Variants in MCM5 observed in about 807,000 individuals in gnomAD.
The protein encoded by MCM5 is DNA replication licensing factor MCM5.
A neutral mutation model predicts 79.9 loss-of-function variants in MCM5; 46 were observed. The observed-to-expected ratio is 0.58, with a 90% CI of 0.45 to 0.74. MCM5 has a LOEUF of 0.74. Among genes scored for constraint, MCM5 ranks in the 30% least tolerant of loss-of-function variants. MCM5 has a pLI of 0.00. For missense variants in MCM5, 883 were observed against 1,017.0 expected, an observed-to-expected ratio of 0.87 and a Z score of 1.79; for synonymous variants, 404 against 390.5, an observed-to-expected ratio of 1.03 and a Z score of -0.41.
intron 14 of MCM5, 110 bp downstream of exon 14, chr22:35,420,122 A>G: frequency 3.8e-6 from 5 of 1,314,372 alleles, no homozygotes; most frequent in Non-Finnish European, 5.1e-6. Flanking sequence ...GCACAGGCCC[A>G]TAGTAGCTCT....
intron 12 of MCM5, among the ~76,000 whole-genome samples, 171 bp from the exon 13 acceptor site, chr22:35,417,573 A>C (rs1474078571): frequency 2.6e-5 from 4 of 152,192 alleles, no homozygotes; most frequent in Admixed American, 6.5e-5. Flanking sequence ...CTCCCATCAG[A>C]ACGAGGGCCT....
At chr22:35,417,946 T>G (rs974443906) in intron 13 of MCM5, 90 bp downstream of exon 13, 9 of 847,550 alleles carry the variant, frequency 1.1e-5, no homozygotes, top group Non-Finnish European at 1.8e-5. Context: ...CTCCTCCTCA[T>G]GAAGAACAGC....
At chr22:35,453,457 AAC>A in the MCM5 span, among the ~76,000 whole-genome samples, 2 of 144,800 alleles carry the variant, frequency 1.4e-5, no homozygotes, top group African/African-American at 5.4e-5. Context: ...GAGAGATAGA[AAC>A]AGAGACAGAG....
At chr22:35,413,600 G>A (rs908333063) in intron 8 of MCM5, among the ~76,000 whole-genome samples, 4 of 152,144 alleles carry the variant, frequency 2.6e-5, no homozygotes, top group African/African-American at 4.8e-5. Context: ...CAGATGCTGG[G>A]TGTACCCGAG....
intron 16 of MCM5, 79 bp from the exon 17 acceptor site, chr22:35,424,075 C>T (rs1932754168): frequency 3.2e-6 from 3 of 923,702 alleles, no homozygotes; most frequent in South Asian, 3.2e-5. Context: ...CAAAGTTCCC[C>T]GTGAGCCTGG....
chr22:35,436,171 AAAAAAAAAAAAAG>A, the MCM5 span, among the ~76,000 whole-genome samples: 1 of 119,276 alleles, frequency 8.4e-6, no homozygotes, highest in Non-Finnish European at 2.0e-5. Flanking sequence ...TCTCAAAAAA[AAAAAAAAAAAAAG>A]AAAAAAAGAA....
downstream of MCM5, among the ~76,000 whole-genome samples, chr22:35,428,350 T>C (rs1932791194): frequency 6.7e-6 from 1 of 150,234 alleles, no homozygotes; most frequent in Non-Finnish European, 1.5e-5. Flanking sequence ...GAGATGGGGG[T>C]GGTTCTCACT....
chr22:35,452,873 T>C, the MCM5 span, among the ~76,000 whole-genome samples: 2 of 152,042 alleles, frequency 1.3e-5, no homozygotes, highest in Non-Finnish European at 2.9e-5. Flanking sequence ...CCGTCCGCCT[T>C]GCATGTGGGT....
At chr22:35,414,419 A>G (rs1932479494) in intron 9 of MCM5, among the ~76,000 whole-genome samples, 1 of 152,140 alleles carries the variant, frequency 6.6e-6, no homozygotes, top group South Asian at 2.1e-4. Flanking sequence ...CAGGAGTTTG[A>G]GACCAGCCTG....
intron 4 of MCM5, among the ~76,000 whole-genome samples, chr22:35,406,041 T>TA (rs1200092816): frequency 6.6e-6 from 1 of 151,934 alleles, no homozygotes; most frequent in Admixed American, 6.6e-5. Context: ...GAAAAAATAT[T>TA]ACTGCCTTAT....
At chr22:35,413,804 T>A in intron 8 of MCM5, 71 bp from the exon 9 acceptor site, 1 of 885,432 alleles carries the variant, frequency 1.1e-6, no homozygotes, top group Non-Finnish European at 1.9e-6. Flanking sequence ...AGCCCACCAA[T>A]CTGGTGACTG....
the MCM5 span, among the ~76,000 whole-genome samples, chr22:35,452,015 C>T: frequency 9.2e-5 from 14 of 152,304 alleles, no homozygotes; most frequent in African/African-American, 3.1e-4. Flanking sequence ...CCCCACCTGC[C>T]CTGTGCTATC....
rs753606587 is a variant in MCM5, at chr22:35,416,722, G to C, written c.1498G>C (p.Gly500Arg). 3.0e-5 allele frequency: 48 copies of C among 1,614,060 alleles called. No homozygotes were observed. Among genetic ancestry groups the C allele is most frequent in the Middle Eastern group, 1.6e-4 (1 of 6,084 alleles). The change falls in exon 12 of 17, where the codon GGG (glycine) becomes CGG (arginine). Residue 500 changes from glycine (G) to arginine (R), a missense_variant. Around this residue, in one of 3 missense-constraint regions of MCM5, gnomAD observed 426 missense variants for 482.3 expected, o/e 0.88. Transcript: ENST00000216122. ...GTTCGGCCGCTGGGATGAGACGAAGGGGGAGGACAACATTGACTTCATGCC... is the reference window on the plus strand; with the variant it reads ...GTTCGGCCGCTGGGATGAGACGAAGCGGGAGGACAACATTGACTTCATGCC... Reference protein sequence around the residue: ...SVFGRWDETKGEDNIDFMPTI... With the variant: ...SVFGRWDETKREDNIDFMPTI...
At position 35,412,673 on chromosome 22, in the gene MCM5, C is replaced by A; in HGVS notation, c.1083C>A (p.Ser361=). The change falls in exon 8 of 17, where the codon TCC becomes TCA. Residue 361 remains serine (S), a synonymous_variant. Transcript: ENST00000216122. ...KAIACLLFGG[S]RKRLPDGLTR... is the part of the protein sequence containing the mutation. Reference sequence around the variant, plus strand: ...TTGCCTGCCTGCTCTTTGGGGGCTCCCGAAAGAGGTAGGGGCTTGAGTTCC... The same window carrying A: ...TTGCCTGCCTGCTCTTTGGGGGCTCACGAAAGAGGTAGGGGCTTGAGTTCC... 1 of 1,491,058 alleles carries A rather than the reference C, an allele frequency of 6.7e-7. No homozygotes were observed. Among genetic ancestry groups the A allele is most frequent in the Non-Finnish European group, 9.0e-7 (1 of 1,111,212 alleles). The allele number at this position is 1,491,058 out of a possible 1,614,324, so 92.4% of individuals were successfully genotyped here. A position where few individuals can be genotyped will look rare whatever the true frequency, so the allele number is the denominator to read the frequency against.
At position 35,410,914 on chromosome 22, in the gene MCM5, A is replaced by G. The variant is rs777075383; in HGVS notation, c.919+4A>G. The G allele has an allele frequency of 1.9e-6, 3 of 1,589,324 alleles. No individual in the cohort carries two copies. The highest frequency in any genetic ancestry group is 3.5e-5 in the Admixed American group (2 of 57,916). ...CAGGTGGACACAGATGGCTCTGGTG[A>G]GTTGGCTTTGGGGTCCTGGCTTAGC... On this transcript the variant is annotated splice_donor_region_variant and intron_variant, in intron 7 of 16. Transcript: ENST00000216122.
At chr22:35,453,819 T>TAGAGAGAG in the MCM5 span, among the ~76,000 whole-genome samples, 577 of 81,520 alleles carry the variant, frequency 7.1e-3, 12 homozygotes, top group African/African-American at 0.01. Context: ...TATATATATA[T>TAGAGAGAG]AGAGAGAGAG....
chr22:35,419,668 C>T (rs1356364483), intron 13 of MCM5, among the ~76,000 whole-genome samples: 2 of 152,186 alleles, frequency 1.3e-5, no homozygotes, highest in African/African-American at 4.8e-5. Context: ...AAGAGAGGCA[C>T]CCATATTTCT....
chr22:35,448,096 T>C, the MCM5 span, among the ~76,000 whole-genome samples: 3 of 152,190 alleles, frequency 2.0e-5, no homozygotes, highest in African/African-American at 7.2e-5. Flanking sequence ...TGCTGATGTT[T>C]ACTCTGAAAA....
At chr22:35,408,272 G>T in intron 5 of MCM5, 136 bp from the exon 6 acceptor site, 1 of 719,220 alleles carries the variant, frequency 1.4e-6, no homozygotes. Context: ...TGCCTGCCTG[G>T]CTTATCTCCA....
Sources: allele counts gnomAD v4.1 joint callset (sites outside exome capture counted in the v4.1 genomes callset), GRCh38; gene constraint gnomAD v4.1.1; regional missense constraint gnomAD v4.1.1; transcripts MANE v1.5; gene names NCBI Gene and HGNC (gene_info 2026-07-23, HGNC 2026-07-21).